The following CYP4F2 variants were observed in gnomAD, a reference collection of about 807,000 sequenced individuals.
The protein encoded by CYP4F2 is cytochrome P450 4F2.
Under a neutral mutation model 58.9 loss-of-function variants are expected in CYP4F2, and 58 were observed. That is an observed-to-expected ratio of 0.98 (90% confidence interval 0.80 to 1.23). The LOEUF (loss-of-function observed/expected upper bound fraction) is 1.23, where lower values mean the gene tolerates loss of function less well. CYP4F2 is among the 50% of genes most tolerant of loss of function. The pLI, the probability that CYP4F2 is intolerant of heterozygous loss-of-function variation, is 0.00. For synonymous variants in CYP4F2, 287 were observed against 261.1 expected (o/e 1.10, Z -0.95); for missense variants, 616 against 685.6 (o/e 0.90, Z 1.13).
intron 5 of CYP4F2, among the ~76,000 whole-genome samples, chr19:15,891,328 A>G (rs1385049769): frequency 6.6e-6 from 1 of 152,172 alleles, no homozygotes; most frequent in African/African-American, 2.4e-5. Flanking sequence ...GAGGGAAAAA[A>G]GGCAATCTAA....
At chr19:15,880,761 T>C (rs1007792016) in intron 9 of CYP4F2, among the ~76,000 whole-genome samples, 5 of 152,136 alleles carry the variant, frequency 3.3e-5, no homozygotes, top group African/African-American at 1.2e-4. Context: ...ATGTTCAACC[T>C]CACTCTTATT....
chr19:15,880,930 A>C (rs1265796765), intron 9 of CYP4F2, among the ~76,000 whole-genome samples: 1 of 152,220 alleles, frequency 6.6e-6, no homozygotes, highest in Non-Finnish European at 1.5e-5. Context: ...GTACAGTGCA[A>C]ATGTTCTTTG....
At position 15,878,611 on chromosome 19, in the gene CYP4F2, G is replaced by A. The variant is rs1277560120; in HGVS notation, c.*160C>T. 6 of 1,033,726 alleles carry A rather than the reference G, an allele frequency of 5.8e-6. No homozygotes were observed. Among genetic ancestry groups the A allele is most frequent in the Non-Finnish European group, 8.2e-6 (6 of 728,582 alleles). 64.0% of individuals were successfully genotyped at this position (1,033,726 alleles called of 1,614,324 possible). A position where few individuals can be genotyped will look rare whatever the true frequency, so the allele number is the denominator to read the frequency against. ...GAATAGGGCCGCCATGAACATTCAC[G>A]CACAAGCGTCTTTCTGTTTGAACAC... is the stretch of plus-strand genomic sequence containing the variant. On this transcript the variant is annotated 3_prime_UTR_variant, in exon 13 of 13. Coordinates refer to ENST00000221700, the MANE Select transcript of CYP4F2 (RefSeq NM_001082.5).
At chr19:15,879,250 C>T (rs2089327427) in intron 12 of CYP4F2, 96 bp downstream of exon 12, 1 of 1,484,402 alleles carries the variant, frequency 6.7e-7, no homozygotes, top group African/African-American at 1.4e-5. Flanking sequence ...AGAGCTGGAA[C>T]TTGGACCATC....
chr19:15,895,622 A>G lies in CYP4F2; in HGVS notation c.227T>C (p.Val76Ala). Residue 76 changes from valine to alanine, a missense_variant, in exon 3 of 13, where the codon GTT becomes GCT. By Grantham distance (64) the Val-to-Ala change is moderately conservative. Coordinates refer to ENST00000221700, the MANE Select transcript of CYP4F2 (RefSeq NM_001082.5). ...MVNPTEEGMR[V>A]LTQLVATYPQ... Reference sequence around the variant, plus strand: ...GTAGGTGGCCACCAGCTGAGTCAGAACTCTCATGCCCTCCTCTGTGGGGTT... The same window carrying G: ...GTAGGTGGCCACCAGCTGAGTCAGAGCTCTCATGCCCTCCTCTGTGGGGTT... 2 of 1,596,898 alleles carry G rather than the reference A, an allele frequency of 1.3e-6. No individual in the cohort carries two copies. The highest frequency in any genetic ancestry group is 1.7e-5 in the Admixed American group (1 of 57,246).
intron 5 of CYP4F2, among the ~76,000 whole-genome samples, chr19:15,891,669 G>T (rs868327245): frequency 6.6e-6 from 1 of 152,134 alleles, no homozygotes; most frequent in African/African-American, 2.4e-5. Flanking sequence ...AATAACTAAC[G>T]AAGCTAAGCC....
At chr19:15,891,846 G>C (rs3093138) in intron 5 of CYP4F2, among the ~76,000 whole-genome samples, 1,572 of 152,260 alleles carry the variant, frequency 0.01, 24 homozygotes, top group African/African-American at 0.035. Flanking sequence ...GCAGAATTCA[G>C]TCAACACCTG....
At chr19:15,890,000 A>C (rs2145009533) in intron 6 of CYP4F2, among the ~76,000 whole-genome samples, 1 of 152,216 alleles carries the variant, frequency 6.6e-6, no homozygotes, top group African/African-American at 2.4e-5. Flanking sequence ...AACTGTCCAC[A>C]AAGCTCAGAC....
chr19:15,886,275 T>A lies in CYP4F2; in HGVS notation c.952A>T (p.Ile318Leu), dbSNP rs1449202576. ...ATAAAGGTGTCAGCTTCTGCTCTTA[T>A]GTCCTCATCAGATAACTTCTTCCCG... Reference protein sequence around the residue: ...EDGKKLSDEDIRAEADTFMFE... With the variant: ...EDGKKLSDEDLRAEADTFMFE... Residue 318 changes from isoleucine (I) to leucine (L), a missense_variant, in exon 8 of 13, where the codon ATA becomes TTA. Coordinates refer to ENST00000221700, the MANE Select transcript of CYP4F2 (RefSeq NM_001082.5). 1 of 1,613,964 alleles carries A rather than the reference T, an allele frequency of 6.2e-7. No homozygotes were observed. The highest frequency in any genetic ancestry group is 1.3e-5 in the African/African-American group (1 of 74,888).
chr19:15,885,852 C>G, intron 9 of CYP4F2, 72 bp downstream of exon 9: 5 of 1,550,354 alleles, frequency 3.2e-6, no homozygotes, highest in Non-Finnish European at 4.4e-6. Context: ...AACAGCTTTT[C>G]CTCCCCTCCC....
intron 3 of CYP4F2, among the ~76,000 whole-genome samples, chr19:15,893,007 G>A (rs1434659300): frequency 6.6e-6 from 1 of 152,160 alleles, no homozygotes; most frequent in African/African-American, 2.4e-5. Context: ...ACCCTGACAT[G>A]TGTTCACATG....
At chr19:15,897,334 C>T (rs1568474854) in intron 2 of CYP4F2, 80 bp downstream of exon 2, 1 of 811,266 alleles carries the variant, frequency 1.2e-6, no homozygotes, top group Non-Finnish European at 1.9e-6. Context: ...CCCACCCCTT[C>T]ACCCCCACTC....
At position 15,889,486 on chromosome 19, in the gene CYP4F2, G is replaced by A; in HGVS notation, c.855C>T (p.Asp285=). 2.5e-6 allele frequency: 4 copies of A among 1,614,200 alleles called. No individual in the cohort carries two copies. Among genetic ancestry groups the A allele is most frequent in the Non-Finnish European group, 3.4e-6 (4 of 1,180,050 alleles). Residue 285 remains aspartate, a synonymous_variant, in exon 7 of 13, where the codon GAC becomes GAT. Coordinates refer to ENST00000221700, the MANE Select transcript of CYP4F2 (RefSeq NM_001082.5). ...RRTLPSQGVD[D]FLQAKAKSKT... is the part of the protein sequence containing the mutation. ...TGGATTTGGCCTTGGCTTGGAGGAA[G>A]TCATCAACACCCTGGCTAGGGAGAG...
intron 2 of CYP4F2, among the ~76,000 whole-genome samples, chr19:15,896,654 T>C (rs1444763587): frequency 2.6e-5 from 4 of 152,204 alleles, no homozygotes; most frequent in Non-Finnish European, 2.9e-5. Context: ...GAGGTGACTC[T>C]AACTGTCCAT....
chr19:15,892,995 T>A (rs558994714), intron 3 of CYP4F2, among the ~76,000 whole-genome samples: 1 of 152,328 alleles, frequency 6.6e-6, no homozygotes, highest in Admixed American at 6.5e-5. Flanking sequence ...ACATGAGACA[T>A]GACCCTGACA....
chr19:15,890,038 C>T (rs2089407291), intron 6 of CYP4F2, among the ~76,000 whole-genome samples: 1 of 152,196 alleles, frequency 6.6e-6, no homozygotes, highest in Non-Finnish European at 1.5e-5. Context: ...GGTCCATGGT[C>T]TAGCTTTCAC....
intron 8 of CYP4F2, 85 bp downstream of exon 8, chr19:15,886,157 T>A (rs2089378031): frequency 6.2e-7 from 1 of 1,607,628 alleles, no homozygotes; most frequent in African/African-American, 1.3e-5. Flanking sequence ...GGAAGGGGGA[T>A]GGGAAGGTTG....
rs1338289259 is a variant in CYP4F2, at chr19:15,897,564, T to G, written c.48A>C (p.Ala16=). 4 of 1,613,878 alleles carry G rather than the reference T, an allele frequency of 2.5e-6. No individual in the cohort carries two copies. Among genetic ancestry groups the G allele is most frequent in the Non-Finnish European group, 3.4e-6 (4 of 1,179,916 alleles). Residue 16 remains alanine, a synonymous_variant, in exon 2 of 13, where the codon GCA becomes GCC. Coordinates refer to ENST00000221700, the MANE Select transcript of CYP4F2 (RefSeq NM_001082.5). ...LSWLGLWPVA[A]SPWLLLLLVG... ...CCAGCAGGAGGAGCAGCCAAGGGGA[T>G]GCTGCCACTGGCCAGAGGCCCAGCC... is the stretch of plus-strand genomic sequence containing the variant.
intron 12 of CYP4F2, 28 bp from the exon 13 acceptor site, chr19:15,878,964 T>C: frequency 6.2e-7 from 1 of 1,608,628 alleles, no homozygotes; most frequent in Non-Finnish European, 8.5e-7. Flanking sequence ...GAACTCTGAC[T>C]GCACCCAGGA....
Sources: allele counts gnomAD v4.1 joint callset (sites outside exome capture counted in the v4.1 genomes callset), GRCh38; gene constraint gnomAD v4.1.1; transcripts MANE v1.5; gene names NCBI Gene and HGNC (gene_info 2026-07-23, HGNC 2026-07-21).